Variants in GRM7 observed in about 807,000 individuals in gnomAD.
GRM7 encodes glutamate metabotropic receptor 7.
A neutral mutation model predicts 84.5 loss-of-function variants in GRM7; 35 were observed. The ratio of observed to expected loss-of-function variants is 0.41; its 90% CI spans 0.32 to 0.55. The LOEUF (loss-of-function observed/expected upper bound fraction) is 0.55, where lower values mean the gene tolerates loss of function less well. Among genes scored for constraint, GRM7 ranks in the 20% least tolerant of loss-of-function variants. The pLI, the probability that GRM7 is intolerant of heterozygous loss-of-function variation, is 0.19. For synonymous variants in GRM7, 487 were observed against 455.1 expected, an observed-to-expected ratio of 1.07 and a Z score of -0.89; for missense variants, 1,003 against 1,194.6, an observed-to-expected ratio of 0.84 and a Z score of 2.36.
chr3:7,456,729 A>C (rs1237678764), intron 6 of GRM7, among the ~76,000 whole-genome samples: 1 of 150,898 alleles, frequency 6.6e-6, no homozygotes, highest in Non-Finnish European at 1.5e-5. Flanking sequence ...ATCACACTCT[A>C]TGGTCAACAA....
intron 1 of GRM7, among the ~76,000 whole-genome samples, chr3:6,926,109 T>A (rs556075820): frequency 1.3e-5 from 2 of 152,316 alleles, no homozygotes; most frequent in East Asian, 3.9e-4. Context: ...ACTATATTTC[T>A]ATTAAATGTA....
At chr3:7,213,503 A>G (rs1342311261) in intron 2 of GRM7, among the ~76,000 whole-genome samples, 1 of 152,230 alleles carries the variant, frequency 6.6e-6, no homozygotes, top group Admixed American at 6.5e-5. Flanking sequence ...CAAATACATC[A>G]TAGGCATTCA....
intron 1 of GRM7, among the ~76,000 whole-genome samples, chr3:6,961,186 C>T (rs930870494): frequency 1.3e-5 from 2 of 152,100 alleles, no homozygotes; most frequent in Admixed American, 6.6e-5. Flanking sequence ...GTGAAATTTG[C>T]GAAATCTCAA....
At chr3:7,731,621 G>A (rs942590984) in intron 9 of GRM7, among the ~76,000 whole-genome samples, 1 of 152,304 alleles carries the variant, frequency 6.6e-6, no homozygotes. Context: ...CAGGCTAGGA[G>A]GAGGAGAGGG....
At chr3:7,666,267 C>A (rs2125128245) in intron 8 of GRM7, among the ~76,000 whole-genome samples, 1 of 152,238 alleles carries the variant, frequency 6.6e-6, no homozygotes, top group South Asian at 2.1e-4. Flanking sequence ...AGAAAATATT[C>A]TGGGCAGAGA....
intron 2 of GRM7, among the ~76,000 whole-genome samples, chr3:7,222,817 T>A (rs6414460): frequency 0.61 from 92,352 of 152,078 alleles, 28,421 homozygotes; most frequent in African/African-American, 0.7. Flanking sequence ...TTCAAGTGTT[T>A]GTTTGGAATA....
intron 4 of GRM7, among the ~76,000 whole-genome samples, chr3:7,319,805 T>C (rs1247201819): frequency 1.3e-5 from 2 of 152,060 alleles, no homozygotes; most frequent in African/African-American, 4.8e-5. Context: ...AAGACACTTA[T>C]TTTTGTATCT....
At chr3:7,302,356 T>C (rs1276277237) in intron 3 of GRM7, among the ~76,000 whole-genome samples, 1 of 152,158 alleles carries the variant, frequency 6.6e-6, no homozygotes, top group Admixed American at 6.5e-5. Context: ...TATAGATTAA[T>C]CATTTCATAT....
intron 2 of GRM7, among the ~76,000 whole-genome samples, chr3:7,293,388 C>T (rs530202899): frequency 4.6e-5 from 7 of 152,252 alleles, no homozygotes; most frequent in Admixed American, 2.0e-4. Context: ...AAATTCTTTT[C>T]GTTACTTCAG....
intron 7 of GRM7, among the ~76,000 whole-genome samples, chr3:7,534,408 CTG>C (rs1701163797): frequency 6.6e-6 from 1 of 152,148 alleles, no homozygotes; most frequent in South Asian, 2.1e-4. Context: ...CATGAGAAAA[CTG>C]TGGCATGGAG....
At chr3:7,632,979 T>C (rs1387914273) in intron 8 of GRM7, among the ~76,000 whole-genome samples, 1 of 152,262 alleles carries the variant, frequency 6.6e-6, no homozygotes, top group African/African-American at 2.4e-5. Flanking sequence ...GATTATATTT[T>C]TGATAGAAAC....
At chr3:7,379,960 CTACCTT>C (rs1476429809) in intron 4 of GRM7, among the ~76,000 whole-genome samples, 1 of 152,182 alleles carries the variant, frequency 6.6e-6, no homozygotes, top group Non-Finnish European at 1.5e-5. Context: ...AACCTTCTTA[CTACCTT>C]TATTTTCCTC....
intron 1 of GRM7, among the ~76,000 whole-genome samples, chr3:7,097,370 G>A (rs1235919901): frequency 6.6e-6 from 1 of 152,108 alleles, no homozygotes; most frequent in Non-Finnish European, 1.5e-5. Flanking sequence ...CTAGTTTCTT[G>A]TAACAATTAA....
intron 8 of GRM7, among the ~76,000 whole-genome samples, chr3:7,583,074 C>A (rs148197011): frequency 1.2e-4 from 18 of 152,262 alleles, no homozygotes; most frequent in African/African-American, 4.3e-4. Context: ...GTCCAGAAAT[C>A]AAGGAACCAG....
At position 7,486,106 on chromosome 3, in the gene GRM7, T is replaced by C. The variant is rs1293324762; in HGVS notation, c.1515+24384T>C. On this transcript the variant is annotated intron_variant, in intron 7 of 9. Transcript: ENST00000357716. The surrounding 1 kb of genome is among the most constrained non-coding windows in gnomAD (Gnocchi z 5.5). ...AAGAGTCAAAGGATGAGATAAAATATGGATTTTAAATACTGCTTCTTGAAC... is the reference window on the plus strand; with the variant it reads ...AAGAGTCAAAGGATGAGATAAAATACGGATTTTAAATACTGCTTCTTGAAC... Among the ~76,000 whole-genome samples the C allele has an allele frequency of 6.6e-6, 1 of 152,158 alleles. No individual in the cohort carries two copies. Among genetic ancestry groups the C allele is most frequent in the Non-Finnish European group, 1.5e-5 (1 of 68,026 alleles).
intron 1 of GRM7, among the ~76,000 whole-genome samples, chr3:6,951,112 A>G (rs547928960): frequency 8.5e-5 from 13 of 152,252 alleles, no homozygotes; most frequent in African/African-American, 3.1e-4. Flanking sequence ...AAATGCAGAA[A>G]TCACCCATCT....
At chr3:7,368,915 G>A (rs1469961725) in intron 4 of GRM7, among the ~76,000 whole-genome samples, 2 of 151,898 alleles carry the variant, frequency 1.3e-5, no homozygotes, top group East Asian at 3.9e-4. Context: ...TAAAATCAGT[G>A]TTTTTCATGC....
chr3:7,425,576 A>G (rs1445567124), intron 5 of GRM7, among the ~76,000 whole-genome samples: 1 of 152,190 alleles, frequency 6.6e-6, no homozygotes. Flanking sequence ...AACTCAAAGG[A>G]CTTTTGGAGT....
intron 1 of GRM7, among the ~76,000 whole-genome samples, chr3:6,998,135 A>AAAAAAAAAAAAAAAAAAAAAC (rs1694887769): frequency 6.8e-6 from 1 of 147,506 alleles, no homozygotes; most frequent in East Asian, 2.0e-4. Flanking sequence ...AAAAAAAAAA[A>AAAAAAAAAAAAAAAAAAAAAC]AAAAGCAGGT....
Sources: allele counts gnomAD v4.1 joint callset (sites outside exome capture counted in the v4.1 genomes callset), GRCh38; gene constraint gnomAD v4.1.1; non-coding constraint Gnocchi (gnomAD v3.1); transcripts MANE v1.5; gene names NCBI Gene and HGNC (gene_info 2026-07-23, HGNC 2026-07-21).